The following RBFOX2 variants were observed in gnomAD, a reference collection of about 807,000 sequenced individuals.
RBFOX2 encodes the protein RNA binding fox-1 homolog 2, also known as RNA binding protein fox-1 homolog 2.
A neutral mutation model predicts 49.1 loss-of-function variants in RBFOX2; 10 were observed. The ratio of observed to expected loss-of-function variants is 0.20; its 90% CI spans 0.13 to 0.35. The LOEUF is 0.35. RBFOX2 is among the 10% of genes least tolerant of loss of function. RBFOX2 has a pLI of 1.00. For synonymous variants in RBFOX2, 183 were observed against 187.4 expected, an observed-to-expected ratio of 0.98 and a Z score of 0.19; for missense variants, 323 against 486.9, an observed-to-expected ratio of 0.66 and a Z score of 3.17.
chr22:36,014,077 T>C (rs1458049049), intron 1 of RBFOX2, among the ~76,000 whole-genome samples: 2 of 152,120 alleles, frequency 1.3e-5, no homozygotes, highest in East Asian at 3.9e-4. Flanking sequence ...TAACTTTTTT[T>C]GGTGGGGGGC....
At position 35,933,953 on chromosome 22, in the gene RBFOX2, T is replaced by C. The variant is rs11089774; in HGVS notation, c.-34+4894A>G. On this transcript the variant is annotated intron_variant, in intron 1 of 13. Transcript: ENST00000359369. ...ATATATATATATATATATATATATA[T>C]ACACACATCAATGAAATAAATTAGA... 6.2e-3 allele frequency among the ~76,000 whole-genome samples: 869 copies of C among 140,946 alleles called. 17 individuals are homozygous for C. The highest frequency in any genetic ancestry group is 0.019 in the African/African-American group (665 of 35,660). 92.5% of individuals were successfully genotyped at this position (140,946 alleles called of 152,430 possible). A position where few individuals can be genotyped will look rare whatever the true frequency, so the allele number is the denominator to read the frequency against.
At chr22:35,767,719 C>T (rs1341008502) in intron 5 of RBFOX2, among the ~76,000 whole-genome samples, 3 of 152,034 alleles carry the variant, frequency 2.0e-5, no homozygotes, top group East Asian at 1.9e-4. Flanking sequence ...AAAAACTACA[C>T]GAGTTTTGGA....
At chr22:35,930,432 G>C (rs2052255464) in intron 1 of RBFOX2, among the ~76,000 whole-genome samples, 1 of 151,802 alleles carries the variant, frequency 6.6e-6, no homozygotes, top group Non-Finnish European at 1.5e-5. Context: ...TATTTTGTTT[G>C]GATATAAAAT....
intron 2 of RBFOX2, among the ~76,000 whole-genome samples, chr22:35,799,653 A>AAATAATTACTTCGGCTGGATGTGGTGGT (rs1949409843): frequency 6.6e-6 from 1 of 152,130 alleles, no homozygotes; most frequent in Non-Finnish European, 1.5e-5. Flanking sequence ...TGATGGTTAA[A>AAATAATTACTTCGGCTGGATGTGGTGGT]AATAATTACT....
rs563871249 is a variant in RBFOX2 at position 35,890,402 on chromosome 22, T to G, written c.-34+48445A>C. ...AGTTTAATTTGTAAGTTAGGCACAGTAAGAGATTAATGATAACTAATAATA... is the reference window on the plus strand; with the variant it reads ...AGTTTAATTTGTAAGTTAGGCACAGGAAGAGATTAATGATAACTAATAATA... On this transcript the variant is annotated intron_variant, in intron 1 of 13. Coordinates refer to the RBFOX2 transcript ENST00000359369. Among the ~76,000 whole-genome samples the G allele has an allele frequency of 9.9e-5, 15 of 152,258 alleles. No individual in the cohort carries two copies. The South Asian group carries it at 3.1e-3, about 32-fold the overall frequency.
At chr22:36,012,720 T>G (rs1463946381) in intron 1 of RBFOX2, among the ~76,000 whole-genome samples, 2 of 152,162 alleles carry the variant, frequency 1.3e-5, no homozygotes, top group African/African-American at 2.4e-5. Context: ...AAATAGATTG[T>G]ATAAGGGCTA....
intron 1 of RBFOX2, among the ~76,000 whole-genome samples, chr22:35,812,371 A>G (rs1012106318): frequency 2.0e-5 from 3 of 152,148 alleles, no homozygotes; most frequent in African/African-American, 7.2e-5. Flanking sequence ...CCATCACCAT[A>G]TAACTTCTTT....
chr22:35,838,318 T>C (rs1049199573), intron 1 of RBFOX2, among the ~76,000 whole-genome samples: 3 of 151,846 alleles, frequency 2.0e-5, no homozygotes, highest in East Asian at 1.9e-4. Context: ...ATTTATTATA[T>C]GGTTGTTACA....
intron 1 of RBFOX2, among the ~76,000 whole-genome samples, chr22:35,983,699 T>C (rs535267212): frequency 3.4e-4 from 52 of 152,324 alleles, no homozygotes; most frequent in African/African-American, 1.2e-3. Flanking sequence ...TTGTCTCCAG[T>C]GTCCAACAGT....
At chr22:35,770,984 A>C (rs910816797) in intron 4 of RBFOX2, among the ~76,000 whole-genome samples, 4 of 152,200 alleles carry the variant, frequency 2.6e-5, no homozygotes, top group Non-Finnish European at 5.9e-5. Flanking sequence ...GATAGGAGGA[A>C]GAAAGCCTTG....
At chr22:35,775,837 G>A (rs1908263953) in intron 4 of RBFOX2, among the ~76,000 whole-genome samples, 1 of 77,276 alleles carries the variant, frequency 1.3e-5, no homozygotes, top group Admixed American at 1.3e-4. Flanking sequence ...GCGAGAATCT[G>A]CCTCAAAAAA....
chr22:35,988,055 G>A (rs2057798068), intron 1 of RBFOX2, among the ~76,000 whole-genome samples: 1 of 152,190 alleles, frequency 6.6e-6, no homozygotes, highest in Non-Finnish European at 1.5e-5. Flanking sequence ...AGAAACACTG[G>A]TCTAATTAAG....
chr22:35,838,474 A>G (rs528755618), intron 1 of RBFOX2, among the ~76,000 whole-genome samples: 20 of 152,232 alleles, frequency 1.3e-4, no homozygotes, highest in African/African-American at 4.8e-4. Context: ...CATTGAGACA[A>G]GTTCTAGACA....
chr22:35,990,369 G>C (rs560027086), intron 1 of RBFOX2, among the ~76,000 whole-genome samples: 48 of 152,248 alleles, frequency 3.2e-4, no homozygotes, highest in Admixed American at 3.1e-3. Context: ...GGACGACAAA[G>C]TCGAAACAAG....
chr22:35,813,723 AC>A (rs201228898), intron 1 of RBFOX2, among the ~76,000 whole-genome samples: 3,406 of 152,330 alleles, frequency 0.022, 138 homozygotes, highest in African/African-American at 0.077. Flanking sequence ...GTAGAATCCC[AC>A]ATCGTACATA....
At chr22:35,962,070 A>G (rs1192880338), upstream of RBFOX2, among the ~76,000 whole-genome samples, 1 of 152,210 alleles carries the variant, frequency 6.6e-6, no homozygotes, top group Non-Finnish European at 1.5e-5. Context: ...CTATGCAAAA[A>G]AACAGTTGGG....
chr22:35,995,241 G>A (rs952939827), intron 1 of RBFOX2: 2 of 152,070 alleles, frequency 1.3e-5, no homozygotes, highest in Admixed American at 1.3e-4. Context: ...CTCATACACA[G>A]GCTACATCCA....
At chr22:35,976,336 A>C (rs942176769) in intron 1 of RBFOX2, among the ~76,000 whole-genome samples, 11 of 145,800 alleles carry the variant, frequency 7.5e-5, no homozygotes, top group East Asian at 2.1e-4. Context: ...CACCACCACC[A>C]CCCCCCCCTC....
At chr22:35,808,554 T>C (rs181559909) in intron 2 of RBFOX2, among the ~76,000 whole-genome samples, 1 of 152,248 alleles carries the variant, frequency 6.6e-6, no homozygotes, top group East Asian at 1.9e-4. Flanking sequence ...TCTTTAGAAA[T>C]AGACCACACA....
Sources: gnomAD v4.1 joint callset for allele counts (sites outside exome capture counted in the v4.1 genomes callset) on GRCh38, gnomAD v4.1.1 for gene constraint, MANE v1.5 for transcripts, NCBI Gene and HGNC (gene_info 2026-07-23, HGNC 2026-07-21) for gene names.